TET1: variants seen among roughly 807,000 people sequenced by gnomAD.
The protein encoded by TET1 is tet methylcytosine dioxygenase 1.
Under a neutral mutation model 148.7 loss-of-function variants are expected in TET1, and 13 were observed. The observed-to-expected ratio is 0.09, with a 90% CI of 0.06 to 0.14. The LOEUF is 0.14. Among genes scored for constraint, TET1 ranks in the 10% least tolerant of loss-of-function variants. The probability of loss-of-function intolerance (pLI) is 1.00; values close to 1 mark genes in which losing one functional copy is unlikely to be tolerated. For missense variants in TET1, 2,182 were observed against 2,553.8 expected (o/e 0.85, Z 3.14); for synonymous variants, 907 against 937.2 (o/e 0.97, Z 0.59).
intron 7 of TET1, among the ~76,000 whole-genome samples, chr10:68,669,821 T>C (rs2055249091): frequency 6.6e-6 from 1 of 151,698 alleles, no homozygotes; most frequent in Non-Finnish European, 1.5e-5. Context: ...AGCTAATTTT[T>C]GTTGTTGTTG....
chr10:68,565,945 A>C (rs1003086849), intron 1 of TET1, among the ~76,000 whole-genome samples: 1 of 152,156 alleles, frequency 6.6e-6, no homozygotes, highest in African/African-American at 2.4e-5. Flanking sequence ...GTTACCATTT[A>C]AAGAGGCCAC....
At chr10:68,602,099 C>T (rs927764465) in intron 3 of TET1, among the ~76,000 whole-genome samples, 7 of 152,150 alleles carry the variant, frequency 4.6e-5, no homozygotes, top group Non-Finnish European at 1.0e-4. Context: ...TGTGTATATA[C>T]AGCATTTTCA....
intron 3 of TET1, among the ~76,000 whole-genome samples, chr10:68,642,176 C>T (rs974891264): frequency 6.6e-6 from 1 of 152,100 alleles, no homozygotes; most frequent in African/African-American, 2.4e-5. Context: ...GTCTGTAGTC[C>T]CAGCTTCTCT....
intron 2 of TET1, among the ~76,000 whole-genome samples, chr10:68,595,300 C>G (rs1433391341): frequency 6.6e-6 from 1 of 151,930 alleles, no homozygotes; most frequent in Non-Finnish European, 1.5e-5. Context: ...CTTGGAATAT[C>G]TTTAGTTATC....
chr10:68,673,231 A>G (rs2055298522), intron 8 of TET1, among the ~76,000 whole-genome samples, 186 bp downstream of exon 8: 1 of 152,046 alleles, frequency 6.6e-6, no homozygotes, highest in South Asian at 2.1e-4. Flanking sequence ...AATTAGGTAA[A>G]GACTTTAGCT....
At chr10:68,679,896 A>G (rs928067322) in intron 8 of TET1, among the ~76,000 whole-genome samples, 16 of 152,128 alleles carry the variant, frequency 1.1e-4, no homozygotes, top group East Asian at 9.7e-4. Flanking sequence ...CTGGTCTCGA[A>G]CTCCTGACCT....
At chr10:68,640,923 ATG>A (rs1398085519) in intron 3 of TET1, among the ~76,000 whole-genome samples, 3 of 151,422 alleles carry the variant, frequency 2.0e-5, no homozygotes, top group African/African-American at 7.3e-5. Context: ...TATGATTTTT[ATG>A]TAATGATATT....
chr10:68,591,013 C>T (rs1183834419), intron 2 of TET1, among the ~76,000 whole-genome samples: 2 of 146,226 alleles, frequency 1.4e-5, no homozygotes, highest in African/African-American at 5.0e-5. Context: ...GCACCACCAC[C>T]CTCAGCTAAT....
chr10:68,602,262 C>A (rs1396041769), intron 3 of TET1, among the ~76,000 whole-genome samples: 1 of 152,152 alleles, frequency 6.6e-6, no homozygotes, highest in Non-Finnish European at 1.5e-5. Context: ...GTAAATTAAA[C>A]CCTTTTCTGT....
chr10:68,624,099 C>CTTTTTTTTTTTTT (rs773374173), intron 3 of TET1, among the ~76,000 whole-genome samples: 1 of 148,028 alleles, frequency 6.8e-6, no homozygotes, highest in Non-Finnish European at 1.5e-5. Context: ...TTCTTTCTTT[C>CTTTTTTTTTTTTT]TTTTCTTTTT....
intron 3 of TET1, among the ~76,000 whole-genome samples, chr10:68,629,018 A>G (rs904737544): frequency 6.6e-5 from 10 of 152,216 alleles, no homozygotes; most frequent in African/African-American, 2.4e-4. Context: ...ATTTTTCTCT[A>G]AAATAGAAAT....
At position 68,573,185 on chromosome 10, in the gene TET1, T is replaced by C; in HGVS notation, c.847T>C (p.Ser283Pro). 6.2e-7 allele frequency: 1 copy of C among 1,614,162 alleles called. No homozygotes were observed. The highest frequency in any genetic ancestry group is 8.5e-7 in the Non-Finnish European group (1 of 1,180,014). The change falls in exon 2 of 12, where the codon TCT becomes CCT. Residue 283 changes from serine to proline, a missense_variant. Ser to Pro is a moderately conservative substitution (Grantham distance 74). Coordinates refer to ENST00000373644, the MANE Select transcript of TET1 (RefSeq NM_030625.3). ...LGSRVESLKL[S>P]DSYLDPIKSE... ...TTCACGAGTAGAATCTCTTAAGTTA[T>C]CTGATTCTTACCTGGATCCCATTAA...
intron 6 of TET1, among the ~76,000 whole-genome samples, chr10:68,652,929 G>T (rs1014655865): frequency 6.7e-6 from 1 of 149,052 alleles, no homozygotes; most frequent in Non-Finnish European, 1.5e-5. Context: ...GATTACAGGC[G>T]TGAGCTACTG....
intron 1 of TET1, among the ~76,000 whole-genome samples, chr10:68,561,385 G>A (rs992733475): frequency 6.6e-6 from 1 of 152,182 alleles, no homozygotes; most frequent in African/African-American, 2.4e-5. Context: ...CTTGCTAGGA[G>A]TTGGCTGGGA....
chr10:68,576,480 T>C (rs1404399706), intron 2 of TET1, among the ~76,000 whole-genome samples: 1 of 151,892 alleles, frequency 6.6e-6, no homozygotes, highest in Non-Finnish European at 1.5e-5. Context: ...CTGGGCAACA[T>C]AGCAAGACCT....
At chr10:68,639,750 G>A (rs1334443094) in intron 3 of TET1, among the ~76,000 whole-genome samples, 1 of 152,118 alleles carries the variant, frequency 6.6e-6, no homozygotes, top group Admixed American at 6.6e-5. Flanking sequence ...ACAGGCGTGA[G>A]CCACCATGCC....
intron 1 of TET1, among the ~76,000 whole-genome samples, chr10:68,561,238 T>C (rs1453330296): frequency 1.3e-5 from 2 of 152,072 alleles, no homozygotes; most frequent in East Asian, 3.9e-4. Flanking sequence ...GCGTACCCCC[T>C]AAACAAGTTT....
intron 1 of TET1, among the ~76,000 whole-genome samples, chr10:68,566,055 C>G (rs1279971533): frequency 6.6e-6 from 1 of 152,122 alleles, no homozygotes; most frequent in East Asian, 1.9e-4. Context: ...AATTACAAGT[C>G]TGAATTTCTA....
At chr10:68,593,915 A>ATTT (rs3998851) in intron 2 of TET1, among the ~76,000 whole-genome samples, 3,026 of 44,706 alleles carry the variant, frequency 0.068, 880 homozygotes, top group South Asian at 0.14. Flanking sequence ...CGCCTGAGCT[A>ATTT]TTTTTTTTTT....
Sources: allele counts gnomAD v4.1 joint callset (sites outside exome capture counted in the v4.1 genomes callset), GRCh38; gene constraint gnomAD v4.1.1; transcripts MANE v1.5; gene names NCBI Gene and HGNC (gene_info 2026-07-23, HGNC 2026-07-21).